METTL6: variants seen among roughly 807,000 people sequenced by gnomAD.
METTL6 encodes methyltransferase 6, tRNA N3-cytidine.
In METTL6, 22 loss-of-function variants were observed where a neutral mutation model predicts 26.4. That is an observed-to-expected ratio of 0.83 (90% confidence interval 0.59 to 1.19). The LOEUF (loss-of-function observed/expected upper bound fraction) is 1.19. Among genes scored for constraint, METTL6 ranks in the 50% most tolerant of loss-of-function variants. The probability of loss-of-function intolerance (pLI) is 0.00; values close to 1 mark genes in which losing one functional copy is unlikely to be tolerated. For synonymous variants in METTL6, 109 were observed against 116.2 expected, an observed-to-expected ratio of 0.94 and a Z score of 0.40; for missense variants, 304 against 324.8, an observed-to-expected ratio of 0.94 and a Z score of 0.49.
At position 15,410,226 on chromosome 3, in the gene METTL6, G is replaced by A. The variant is rs1183888502; in HGVS notation, c.*1030C>T. On this transcript the variant is annotated 3_prime_UTR_variant, in exon 6 of 6. Transcript: ENST00000383790. ...CGGGTGGTATGTTTCAAGACCCCCA[G>A]TGGTTGCCTGAAACCAAGATGGTAC... is the stretch of plus-strand genomic sequence containing the variant. Among the ~76,000 whole-genome samples the A allele has an allele frequency of 6.6e-6, 1 of 151,966 alleles. No homozygotes were observed. The highest frequency in any genetic ancestry group is 2.4e-5 in the African/African-American group (1 of 41,358).
intron 3 of METTL6, among the ~76,000 whole-genome samples, chr3:15,424,643 T>A (rs769252780): frequency 1.3e-5 from 2 of 152,248 alleles, no homozygotes; most frequent in Non-Finnish European, 2.9e-5. Flanking sequence ...AGGGGAGATG[T>A]ATGCAAACAT....
rs773598392 is a variant in METTL6 at position 15,414,086 on chromosome 3, C to G, written c.608G>C (p.Ser203Thr). ...YDHAMLRFKA[S>T]SKLGENFYVR... Reference sequence around the variant, plus strand: ...ATAAAAGTTTTCTCCAAGTTTGCTGCTGGCTTTAAACCTAAGCATGGCATG... The same window carrying G: ...ATAAAAGTTTTCTCCAAGTTTGCTGGTGGCTTTAAACCTAAGCATGGCATG... The change falls in exon 5 of 6, where the codon AGC becomes ACC. Residue 203 changes from serine (S) to threonine (T), a missense_variant. Physicochemically the swap from Ser to Thr is moderately conservative, Grantham distance 58. Coordinates refer to ENST00000383790, the MANE Select transcript of METTL6 (RefSeq NM_152396.4). The G allele has an allele frequency of 6.2e-7, 1 of 1,614,120 alleles. No individual in the cohort carries two copies.
chr3:15,384,469 A>G (rs1699141558), intron 6 of METTL6: 1 of 169,736 alleles, frequency 5.9e-6, no homozygotes, highest in Non-Finnish European at 1.3e-5. Context: ...AGTTGGGTGC[A>G]GTTGCTCACA....
At chr3:15,418,110 C>T (rs1365069598) in intron 3 of METTL6, among the ~76,000 whole-genome samples, 2 of 152,216 alleles carry the variant, frequency 1.3e-5, no homozygotes, top group African/African-American at 4.8e-5. Flanking sequence ...ATCCCTATCC[C>T]TCAGTATCTA....
At chr3:15,414,429 C>T (rs1236395235) in intron 4 of METTL6, 8 of 886,406 alleles carry the variant, frequency 9.0e-6, no homozygotes, top group Non-Finnish European at 1.2e-5. Context: ...AATCTCAGCT[C>T]ACTGCAACCT....
Position 15,398,849 on chromosome 3 carries a change from G to A in METTL6, c.*11+12396C>T, listed in dbSNP as rs565687416. ...CACAGCGACTCCATCTTGAATAGGC[G>A]CTGGGTAAAATAAGGCCAAGACCTA... is the stretch of plus-strand genomic sequence containing the variant. On this transcript the variant is annotated intron_variant, in intron 6 of 6. Coordinates refer to the METTL6 transcript ENST00000443029. Among the ~76,000 whole-genome samples the A allele has an allele frequency of 3.3e-5, 5 of 152,248 alleles. No individual in the cohort carries two copies. The South Asian group carries it at 6.2e-4, about 19-fold the overall frequency.
In METTL6 at chr3:15,415,153, G is replaced by C. The variant is rs183827612; in HGVS notation, c.531+619C>G. On this transcript the variant is annotated intron_variant, in intron 4 of 5. Transcript: ENST00000383790. The stretch of plus-strand genomic sequence containing the variant: ...AGCTCTCATTTCATTGTGCCACAAT[G>C]TATAGCTCAATCACGGTGCTAATGA... 1.5e-4 allele frequency among the ~76,000 whole-genome samples: 23 copies of C among 152,298 alleles called. 1 individual carries two copies. Among genetic ancestry groups the C allele is most frequent in the Admixed American group, 1.5e-3 (23 of 15,300 alleles).
chr3:15,389,380 C>T (rs1038035749), intron 6 of METTL6, among the ~76,000 whole-genome samples: 10 of 152,088 alleles, frequency 6.6e-5, no homozygotes, highest in South Asian at 2.1e-4. Flanking sequence ...GAAGGAAAAA[C>T]GATCGTTTTC....
chr3:15,392,095 A>G (rs1293529949), intron 6 of METTL6, among the ~76,000 whole-genome samples: 1 of 152,094 alleles, frequency 6.6e-6, no homozygotes, highest in African/African-American at 2.4e-5. Context: ...CAATGGTTGA[A>G]CTAGTTTACA....
chr3:15,415,747 C>T, intron 4 of METTL6, 25 bp downstream of exon 4: 1 of 1,609,702 alleles, frequency 6.2e-7, no homozygotes, highest in Non-Finnish European at 8.5e-7. Flanking sequence ...GTCCAACCCT[C>T]AAGTGCAGGC....
chr3:15,421,288 C>T (rs1056787008), intron 3 of METTL6, among the ~76,000 whole-genome samples: 6 of 152,146 alleles, frequency 3.9e-5, no homozygotes, highest in African/African-American at 9.7e-5. Flanking sequence ...TGATAAAACA[C>T]GATACATACT....
At chr3:15,399,000 A>G (rs1409259613) in intron 6 of METTL6, among the ~76,000 whole-genome samples, 1 of 152,204 alleles carries the variant, frequency 6.6e-6, no homozygotes, top group African/African-American at 2.4e-5. Flanking sequence ...AAACCCACCA[A>G]AACCAAGAAG....
chr3:15,404,167 T>C (rs1352866746), intron 6 of METTL6, among the ~76,000 whole-genome samples: 1 of 152,132 alleles, frequency 6.6e-6, no homozygotes, highest in East Asian at 1.9e-4. Context: ...CTATTCAAAA[T>C]GGAGTTACTC....
intron 6 of METTL6, among the ~76,000 whole-genome samples, chr3:15,395,596 G>A (rs574381202): frequency 4.1e-4 from 62 of 152,190 alleles, no homozygotes; most frequent in South Asian, 1.7e-3. Context: ...TCCTAGTCTC[G>A]ATGGTCTTTA....
intron 6 of METTL6, among the ~76,000 whole-genome samples, chr3:15,404,084 G>A (rs1050191517): frequency 5.3e-5 from 8 of 151,924 alleles, no homozygotes; most frequent in Admixed American, 2.0e-4. Flanking sequence ...CTCCTATCTC[G>A]TCCTATGACT....
chr3:15,409,129 A>G (rs1172777677), downstream of METTL6, among the ~76,000 whole-genome samples: 2 of 152,284 alleles, frequency 1.3e-5, no homozygotes, highest in Admixed American at 1.3e-4. Context: ...AACACCCAGC[A>G]CGCACAGTGT....
At chr3:15,415,369 C>T in intron 4 of METTL6, 1 of 827,024 alleles carries the variant, frequency 1.2e-6, no homozygotes, top group South Asian at 1.7e-5. Flanking sequence ...GTTGGCCAGG[C>T]TGGTTTCAAA....
At chr3:15,386,031 A>G (rs1400031819) in intron 6 of METTL6, among the ~76,000 whole-genome samples, 4 of 152,236 alleles carry the variant, frequency 2.6e-5, no homozygotes, top group Non-Finnish European at 5.9e-5. Flanking sequence ...TGGCTCCTCC[A>G]TAGGCAGAGC....
At chr3:15,426,228 G>A (rs2061718947) in intron 2 of METTL6, 59 bp downstream of exon 2, 2 of 1,532,334 alleles carry the variant, frequency 1.3e-6, no homozygotes, top group Admixed American at 1.7e-5. Flanking sequence ...CATGAGCCAT[G>A]GCACCCTCTT....
Sources: gnomAD v4.1 joint callset for allele counts (sites outside exome capture counted in the v4.1 genomes callset) on GRCh38, gnomAD v4.1.1 for gene constraint, MANE v1.5 for transcripts, NCBI Gene and HGNC (gene_info 2026-07-23, HGNC 2026-07-21) for gene names.